SSBP2: variants seen among roughly 807,000 people sequenced by gnomAD.
SSBP2 encodes single-stranded DNA-binding protein 2.
SSBP2 carries 17 observed loss-of-function variants against 61.8 expected under a neutral mutation model. The ratio of observed to expected loss-of-function variants is 0.28; its 90% CI spans 0.19 to 0.41. The LOEUF (loss-of-function observed/expected upper bound fraction) is 0.41. Ranked by LOEUF, SSBP2 falls within the 10% of genes least tolerant of loss-of-function variation. The pLI is 1.00. For synonymous variants in SSBP2, 139 were observed against 141.3 expected, an observed-to-expected ratio of 0.98 and a Z score of 0.12; for missense variants, 310 against 458.7, an observed-to-expected ratio of 0.68 and a Z score of 2.96.
intron 3 of SSBP2, among the ~76,000 whole-genome samples, chr5:81,626,175 C>G (rs1228848859): frequency 6.6e-6 from 1 of 152,184 alleles, no homozygotes; most frequent in Non-Finnish European, 1.5e-5. Flanking sequence ...CCTAGCATTA[C>G]TTAATACCTT....
chr5:81,526,531 A>G (rs972416315), intron 4 of SSBP2, among the ~76,000 whole-genome samples: 1 of 152,040 alleles, frequency 6.6e-6, no homozygotes, highest in Non-Finnish European at 1.5e-5. Context: ...ACTAGATAAC[A>G]TATTTTGAAG....
intron 4 of SSBP2, among the ~76,000 whole-genome samples, chr5:81,612,371 A>T (rs1436499): frequency 6.6e-6 from 1 of 151,914 alleles, no homozygotes; most frequent in East Asian, 1.9e-4. Context: ...GATTAGAACT[A>T]ACTGAAAGGT....
At chr5:81,536,818 A>G (rs1297590489) in intron 4 of SSBP2, among the ~76,000 whole-genome samples, 3 of 152,046 alleles carry the variant, frequency 2.0e-5, no homozygotes, top group Non-Finnish European at 4.4e-5. Context: ...TCAGGAAATC[A>G]AGACCATCCT....
chr5:81,442,892 A>G (rs773132238), intron 12 of SSBP2, 169 bp from the exon 13 acceptor site: 1 of 402,710 alleles, frequency 2.5e-6, no homozygotes, highest in Non-Finnish European at 4.5e-6. Context: ...TTCTGACCCC[A>G]AAATTGTCAT....
rs61227212 is a variant in SSBP2, at chr5:81,607,302, A to G, written c.282+8171T>C. Among the ~76,000 whole-genome samples the G allele has an allele frequency of 6.4e-3, 969 of 152,322 alleles. 6 individuals are homozygous for G. The highest frequency in any genetic ancestry group is 0.02 in the African/African-American group (850 of 41,584). The stretch of plus-strand genomic sequence containing the variant: ...GAAGTAATACTGAAAGAATCACGTA[A>G]GAGTGGTACAATGTTCCCGCAGAAT... On this transcript the variant is annotated intron_variant, in intron 4 of 16. Coordinates refer to ENST00000320672, the MANE Select transcript of SSBP2 (RefSeq NM_012446.5).
At chr5:81,426,639 T>C (rs1213818990) in intron 16 of SSBP2, among the ~76,000 whole-genome samples, 2 of 152,156 alleles carry the variant, frequency 1.3e-5, no homozygotes, top group Admixed American at 6.5e-5. Context: ...CCATTAGGGA[T>C]TGAAGGGAGA....
chr5:81,594,552 C>T (rs765436062), intron 4 of SSBP2, among the ~76,000 whole-genome samples: 1 of 152,194 alleles, frequency 6.6e-6, no homozygotes, highest in Admixed American at 6.5e-5. Context: ...CTTTTCAGCA[C>T]CACACCATGC....
At chr5:81,450,166 G>A (rs1580715049) in intron 10 of SSBP2, among the ~76,000 whole-genome samples, 1 of 152,100 alleles carries the variant, frequency 6.6e-6, no homozygotes, top group East Asian at 1.9e-4. Flanking sequence ...AAGTAGCTGG[G>A]ACTAAGGTGT....
chr5:81,690,612 C>T (rs543509508), intron 1 of SSBP2, among the ~76,000 whole-genome samples: 1 of 151,870 alleles, frequency 6.6e-6, no homozygotes, highest in African/African-American at 2.4e-5. Context: ...AGAGATAAAC[C>T]CCAATAGAAT....
At chr5:81,553,467 A>T (rs1381921774) in intron 4 of SSBP2, among the ~76,000 whole-genome samples, 1 of 152,148 alleles carries the variant, frequency 6.6e-6, no homozygotes, top group African/African-American at 2.4e-5. Context: ...CATTTTCTTA[A>T]CTCATAGCAT....
At chr5:81,593,302 A>C (rs1743310908) in intron 4 of SSBP2, among the ~76,000 whole-genome samples, 1 of 152,194 alleles carries the variant, frequency 6.6e-6, no homozygotes, top group African/African-American at 2.4e-5. Flanking sequence ...AAAAGAATAA[A>C]AAGAACCGAA....
At chr5:81,733,044 T>A (rs1360162902) in intron 1 of SSBP2, among the ~76,000 whole-genome samples, 1 of 152,222 alleles carries the variant, frequency 6.6e-6, no homozygotes, top group Non-Finnish European at 1.5e-5. Context: ...ACCCTCCAAT[T>A]TGGGTAACTT....
At chr5:81,747,430 G>C (rs955664755) in intron 1 of SSBP2, among the ~76,000 whole-genome samples, 2 of 152,028 alleles carry the variant, frequency 1.3e-5, no homozygotes, top group Admixed American at 1.3e-4. Context: ...CTGTCTTGTA[G>C]ATTTGTTGGG....
intron 1 of SSBP2, among the ~76,000 whole-genome samples, chr5:81,726,457 G>T (rs1465442844): frequency 2.0e-5 from 3 of 151,902 alleles, no homozygotes; most frequent in South Asian, 2.1e-4. Flanking sequence ...AAGTGAAAGG[G>T]GTGGAATTCA....
At chr5:81,654,350 T>G (rs1750025922) in intron 1 of SSBP2, among the ~76,000 whole-genome samples, 1 of 152,186 alleles carries the variant, frequency 6.6e-6, no homozygotes, top group Admixed American at 6.6e-5. Flanking sequence ...CATAGTACCT[T>G]TTGCTCACCT....
chr5:81,709,865 G>T (rs750960166), intron 1 of SSBP2, among the ~76,000 whole-genome samples: 1 of 151,870 alleles, frequency 6.6e-6, no homozygotes, highest in African/African-American at 2.4e-5. Flanking sequence ...ATGCTATTTA[G>T]AAGTCAGTTT....
intron 6 of SSBP2, among the ~76,000 whole-genome samples, chr5:81,488,797 T>C (rs1037329260): frequency 1.4e-5 from 2 of 147,976 alleles, no homozygotes; most frequent in East Asian, 2.0e-4. Context: ...AGTGAGAACA[T>C]GTGGTGTTAG....
At position 81,414,269 on chromosome 5, in the gene SSBP2, A is replaced by G. The variant is rs2153867780; in HGVS notation, c.*6235T>C. 6.6e-6 allele frequency: 1 copy of G among 152,210 alleles called. No homozygotes were observed. Among genetic ancestry groups the G allele is most frequent in the South Asian group, 2.1e-4 (1 of 4,798 alleles). 9.4% of individuals were successfully genotyped at this position (152,210 alleles called of 1,614,324 possible). On this transcript the variant is annotated 3_prime_UTR_variant, in exon 17 of 17. Transcript: ENST00000320672. ...CTTTAAAATTTTAATATCTATATAT[A>G]GTACTGTATTTAATTTTTAAAGATG...
At chr5:81,521,418 C>T (rs1284346344) in intron 4 of SSBP2, among the ~76,000 whole-genome samples, 1 of 151,884 alleles carries the variant, frequency 6.6e-6, no homozygotes. Context: ...CTTCACTATG[C>T]TTGAGTTTTA....
Sources: gnomAD v4.1 joint callset for allele counts (sites outside exome capture counted in the v4.1 genomes callset) on GRCh38, gnomAD v4.1.1 for gene constraint, MANE v1.5 for transcripts, NCBI Gene and HGNC (gene_info 2026-07-23, HGNC 2026-07-21) for gene names.